The following PRKCE variants were observed in gnomAD, a reference collection of about 807,000 sequenced individuals.
PRKCE encodes protein kinase C epsilon type.
A neutral mutation model predicts 85.4 loss-of-function variants in PRKCE; 16 were observed. The ratio of observed to expected loss-of-function variants is 0.19; its 90% CI spans 0.13 to 0.28. The LOEUF is 0.28. PRKCE is among the 10% of genes least tolerant of loss of function. The pLI, the probability that PRKCE is intolerant of heterozygous loss-of-function variation, is 1.00. For synonymous variants in PRKCE, 388 were observed against 371.5 expected (o/e 1.04, Z -0.51); for missense variants, 573 against 975.2 (o/e 0.59, Z 5.49).
chr2:45,789,843 A>G (rs1686899819), intron 1 of PRKCE, among the ~76,000 whole-genome samples: 2 of 152,228 alleles, frequency 1.3e-5, no homozygotes, highest in African/African-American at 4.8e-5. Context: ...TCGGAATTTT[A>G]AAAAATGTAT....
chr2:45,834,971 T>A (rs1044360644), intron 1 of PRKCE, among the ~76,000 whole-genome samples: 6 of 152,204 alleles, frequency 3.9e-5, no homozygotes, highest in Admixed American at 1.3e-4. Context: ...TTGGATGTGT[T>A]TATCTTGCTA....
chr2:46,160,041 A>C lies in PRKCE; in HGVS notation c.2067+289A>C, dbSNP rs187034949. 3.4e-3 allele frequency: 1,217 copies of C among 358,316 alleles called. 5 individuals carry two copies. The highest frequency in any genetic ancestry group is 4.5e-3 in the Non-Finnish European group (903 of 199,240). 22.2% of individuals were successfully genotyped at this position (358,316 alleles called of 1,614,324 possible). A position where few individuals can be genotyped will look rare whatever the true frequency, so the allele number is the denominator to read the frequency against. ...TTTATTTATTTTGATTGAAAATGAC[A>C]AATGATACTAGTTTTCCATGTATGG... On this transcript the variant is annotated intron_variant, in intron 14 of 14. Transcript: ENST00000306156.
At chr2:45,819,029 G>A (rs1051888761) in intron 1 of PRKCE, among the ~76,000 whole-genome samples, 6 of 152,196 alleles carry the variant, frequency 3.9e-5, no homozygotes, top group Non-Finnish European at 7.3e-5. Context: ...CCTGAGACAG[G>A]AAGCTTGGTA....
At chr2:45,827,275 C>G (rs924349608) in intron 1 of PRKCE, among the ~76,000 whole-genome samples, 1 of 152,212 alleles carries the variant, frequency 6.6e-6, no homozygotes. Flanking sequence ...AAAGATGATA[C>G]AATTCTTACG....
rs59018550 is a variant in PRKCE at position 46,104,296 on chromosome 2, C to CTTTTTTTT, written c.1592+17945_1592+17952dup. ...CTATCTTGAAACCCTTCACCTTGTACTTTTTTTTTTTTTTTTTTGCCATAT... is the reference window on the plus strand; with the variant it reads ...CTATCTTGAAACCCTTCACCTTGTACTTTTTTTTTTTTTTTTTTTTTTTTTTGCCATAT... On this transcript the variant is annotated intron_variant, in intron 11 of 14. Transcript: ENST00000306156. 7.5e-3 allele frequency among the ~76,000 whole-genome samples: 887 copies of CTTTTTTTT among 118,416 alleles called. 20 individuals carry two copies. Among genetic ancestry groups the CTTTTTTTT allele is most frequent in the African/African-American group, 0.026 (802 of 30,934 alleles). 77.7% of individuals were successfully genotyped at this position (118,416 alleles called of 152,430 possible).
chr2:46,030,545 G>A (rs1310235324), intron 10 of PRKCE, among the ~76,000 whole-genome samples: 1 of 152,178 alleles, frequency 6.6e-6, no homozygotes, highest in Non-Finnish European at 1.5e-5. Flanking sequence ...GGATTCTGAA[G>A]TCCTGTCCCT....
At chr2:46,033,360 G>A (rs190508451) in intron 10 of PRKCE, among the ~76,000 whole-genome samples, 1 of 152,208 alleles carries the variant, frequency 6.6e-6, no homozygotes, top group Non-Finnish European at 1.5e-5. Context: ...CCCACACCCT[G>A]TCTTCTGATG....
intron 11 of PRKCE, among the ~76,000 whole-genome samples, chr2:46,115,528 A>G (rs1030234884): frequency 5.3e-5 from 8 of 152,214 alleles, no homozygotes; most frequent in Non-Finnish European, 1.2e-4. Flanking sequence ...CAAGCTCCTC[A>G]GCATTCTCCA....
intron 14 of PRKCE, among the ~76,000 whole-genome samples, chr2:46,177,890 C>T (rs1679578011): frequency 6.6e-6 from 1 of 152,118 alleles, no homozygotes; most frequent in Admixed American, 6.5e-5. Context: ...AAAGTAACAC[C>T]ACTGCACTTG....
Position 46,039,898 on chromosome 2 carries a change from G to A in PRKCE, c.1437+29381G>A, listed in dbSNP as rs191183855. On this transcript the variant is annotated intron_variant, in intron 10 of 14. Coordinates refer to ENST00000306156, the MANE Select transcript of PRKCE (RefSeq NM_005400.3). ...TCAGTGGGGTTATTTGTGGGTCTCC[G>A]CACCATCCTAGATTTATTTCTCTGC... Among the ~76,000 whole-genome samples, 319 of 152,248 alleles carry A rather than the reference G, an allele frequency of 2.1e-3. 2 individuals are homozygous for A. Among genetic ancestry groups the A allele is most frequent in the Admixed American group, 3.5e-3 (53 of 15,290 alleles).
At chr2:46,127,675 C>T (rs1160045635) in intron 11 of PRKCE, among the ~76,000 whole-genome samples, 1 of 152,232 alleles carries the variant, frequency 6.6e-6, no homozygotes, top group African/African-American at 2.4e-5. Flanking sequence ...GTGGCTGTCA[C>T]TGTGGGCAGC....
chr2:45,894,677 C>A (rs1447682798), intron 2 of PRKCE, among the ~76,000 whole-genome samples: 1 of 152,084 alleles, frequency 6.6e-6, no homozygotes, highest in Non-Finnish European at 1.5e-5. Context: ...TAGTTCCCTT[C>A]CACTTCCTCT....
intron 1 of PRKCE, among the ~76,000 whole-genome samples, chr2:45,814,735 T>C (rs1032510953): frequency 1.3e-5 from 2 of 152,196 alleles, no homozygotes; most frequent in African/African-American, 4.8e-5. Context: ...GAATATTTGG[T>C]GCAACAGAGT....
intron 2 of PRKCE, among the ~76,000 whole-genome samples, chr2:45,953,802 C>T (rs1037096945): frequency 6.6e-6 from 1 of 152,192 alleles, no homozygotes; most frequent in Non-Finnish European, 1.5e-5. Flanking sequence ...TCTCAGCACT[C>T]TCCAGGTGAG....
chr2:46,031,491 A>G (rs561722371), intron 10 of PRKCE, among the ~76,000 whole-genome samples: 1 of 152,122 alleles, frequency 6.6e-6, no homozygotes, highest in African/African-American at 2.4e-5. Flanking sequence ...ACATACCACG[A>G]CTAGCTATTT....
intron 2 of PRKCE, among the ~76,000 whole-genome samples, chr2:45,906,215 G>C (rs564713165): frequency 2.6e-4 from 40 of 152,334 alleles, no homozygotes; most frequent in Non-Finnish European, 4.6e-4. Flanking sequence ...GGCATCTTCT[G>C]GTCATTTGGA....
intron 2 of PRKCE, among the ~76,000 whole-genome samples, chr2:45,853,473 A>G (rs563363817): frequency 2.2e-4 from 34 of 152,160 alleles, no homozygotes; most frequent in African/African-American, 7.9e-4. Context: ...CACTGTGCTA[A>G]TTTTTTCCTG....
intron 1 of PRKCE, among the ~76,000 whole-genome samples, chr2:45,674,498 C>A (rs866816061): frequency 3.3e-5 from 5 of 152,172 alleles, no homozygotes; most frequent in African/African-American, 7.2e-5. Flanking sequence ...GGCTAGGGAT[C>A]TTTACATGAG....
chr2:45,829,437 C>A (rs1690219915), intron 1 of PRKCE, among the ~76,000 whole-genome samples: 1 of 151,884 alleles, frequency 6.6e-6, no homozygotes, highest in East Asian at 1.9e-4. Flanking sequence ...TGCTTAAGAC[C>A]CCATATAAAT....
Sources: allele counts gnomAD v4.1 joint callset (sites outside exome capture counted in the v4.1 genomes callset), GRCh38; gene constraint gnomAD v4.1.1; transcripts MANE v1.5; gene names NCBI Gene and HGNC (gene_info 2026-07-23, HGNC 2026-07-21).